CADM1: variants seen among roughly 807,000 people sequenced by gnomAD.
CADM1 encodes cell adhesion molecule 1.
CADM1 carries 15 observed loss-of-function variants against 53.1 expected under a neutral mutation model. The ratio of observed to expected loss-of-function variants is 0.28; its 90% CI spans 0.19 to 0.44. CADM1 has a LOEUF of 0.44. CADM1 is among the 20% of genes least tolerant of loss of function. The pLI is 1.00. For missense variants in CADM1, 434 were observed against 611.3 expected, an observed-to-expected ratio of 0.71 and a Z score of 3.06; for synonymous variants, 281 against 243.0, an observed-to-expected ratio of 1.16 and a Z score of -1.45.
At chr11:115,302,668 T>C (rs1247009949) in intron 1 of CADM1, among the ~76,000 whole-genome samples, 1 of 152,116 alleles carries the variant, frequency 6.6e-6, no homozygotes, top group Non-Finnish European at 1.5e-5. Flanking sequence ...ATATAGTTTT[T>C]GCTACTGGGG....
At chr11:115,320,557 C>G (rs1385890292) in intron 1 of CADM1, among the ~76,000 whole-genome samples, 1 of 152,000 alleles carries the variant, frequency 6.6e-6, no homozygotes, top group Non-Finnish European at 1.5e-5. Flanking sequence ...TTTCCCTATA[C>G]TGTATTATAA....
chr11:115,421,484 C>T (rs747359854), intron 1 of CADM1, among the ~76,000 whole-genome samples: 2 of 152,234 alleles, frequency 1.3e-5, no homozygotes, highest in Admixed American at 6.5e-5. Context: ...TGCTTCACTA[C>T]ACTATTTCTG....
At chr11:115,350,747 T>C (rs1945711917) in intron 1 of CADM1, among the ~76,000 whole-genome samples, 1 of 152,118 alleles carries the variant, frequency 6.6e-6, no homozygotes, top group Non-Finnish European at 1.5e-5. Flanking sequence ...TTCTTTGTTT[T>C]GAATTCATTG....
rs1395335862 is a variant in CADM1 at position 115,357,197 on chromosome 11, C to T, written c.125-116777G>A. Among the ~76,000 whole-genome samples the T allele has an allele frequency of 5.3e-5, 8 of 152,294 alleles. No individual in the cohort carries two copies. In the East Asian group the frequency reaches 9.6e-4, roughly 18 times the overall value. ...TGTGCTGGCAGAAGCCCAGGCTCCC[C>T]CAAAGGCATTCGCTCCTGCTGTACC... On this transcript the variant is annotated intron_variant, in intron 1 of 11. Coordinates refer to ENST00000331581, the MANE Select transcript of CADM1 (RefSeq NM_001301043.2).
At chr11:115,470,700 T>A (rs1251099175) in intron 1 of CADM1, among the ~76,000 whole-genome samples, 1 of 152,202 alleles carries the variant, frequency 6.6e-6, no homozygotes, top group Non-Finnish European at 1.5e-5. Context: ...TGGAATGATT[T>A]TTTTCTTTAA....
intron 1 of CADM1, among the ~76,000 whole-genome samples, chr11:115,495,790 ATTTAT>A (rs1037963970): frequency 2.6e-5 from 4 of 151,886 alleles, no homozygotes; most frequent in East Asian, 1.9e-4. Flanking sequence ...ATTTTTTAGG[ATTTAT>A]TTTATTTTAT....
intron 1 of CADM1, among the ~76,000 whole-genome samples, chr11:115,288,068 C>T (rs1271688206): frequency 6.6e-6 from 1 of 152,110 alleles, no homozygotes; most frequent in Non-Finnish European, 1.5e-5. Flanking sequence ...TGAAGAAATT[C>T]CATCAGAATC....
intron 1 of CADM1, among the ~76,000 whole-genome samples, chr11:115,361,874 C>T (rs1278181962): frequency 6.7e-6 from 1 of 148,972 alleles, no homozygotes; most frequent in African/African-American, 2.5e-5. Context: ...CATGGGTGTG[C>T]ACCACCACAC....
At chr11:115,247,985 A>T (rs1942461200) in intron 1 of CADM1, among the ~76,000 whole-genome samples, 1 of 152,212 alleles carries the variant, frequency 6.6e-6, no homozygotes, top group South Asian at 2.1e-4. Context: ...GTCCCCATGA[A>T]ATTCTTTAAC....
At chr11:115,410,471 A>G (rs1591790731) in intron 1 of CADM1, among the ~76,000 whole-genome samples, 1 of 152,294 alleles carries the variant, frequency 6.6e-6, no homozygotes, top group Non-Finnish European at 1.5e-5. Flanking sequence ...AAAAATAAAC[A>G]AAGTCTAGAG....
chr11:115,468,590 G>A (rs1591276543), intron 1 of CADM1, among the ~76,000 whole-genome samples: 1 of 152,146 alleles, frequency 6.6e-6, no homozygotes, highest in Admixed American at 6.6e-5. Context: ...AAAGGCAAAA[G>A]GGTCTATGGA....
chr11:115,252,302 G>A (rs1451110254), intron 1 of CADM1, among the ~76,000 whole-genome samples: 2 of 152,178 alleles, frequency 1.3e-5, no homozygotes, highest in Non-Finnish European at 2.9e-5. Context: ...ATGCTAAATA[G>A]AGAACTATGA....
intron 1 of CADM1, among the ~76,000 whole-genome samples, chr11:115,329,755 G>A (rs1043877380): frequency 3.9e-5 from 6 of 152,038 alleles, no homozygotes; most frequent in Non-Finnish European, 7.4e-5. Context: ...ACTGAAGGAT[G>A]GTAAATGCGG....
At chr11:115,460,673 T>C (rs1948775429) in intron 1 of CADM1, among the ~76,000 whole-genome samples, 1 of 152,178 alleles carries the variant, frequency 6.6e-6, no homozygotes, top group South Asian at 2.1e-4. Flanking sequence ...CTTTCTCTAA[T>C]GTACCTCTTA....
Position 115,357,497 on chromosome 11 carries a change from G to A in CADM1, c.125-117077C>T, listed in dbSNP as rs182566860. Among the ~76,000 whole-genome samples the A allele has an allele frequency of 3.9e-5, 6 of 152,226 alleles. No individual in the cohort carries two copies. The East Asian group carries it at 7.7e-4, about 20-fold the overall frequency. On this transcript the variant is annotated intron_variant, in intron 1 of 11. Transcript: ENST00000331581. ...TAAGGAGATGCCAAAGGGTCCAAGC[G>A]CAGAGGTTACCACCACAGACTTTCA...
intron 1 of CADM1, among the ~76,000 whole-genome samples, chr11:115,422,094 C>T (rs1947771787): frequency 6.6e-6 from 1 of 152,130 alleles, no homozygotes; most frequent in Non-Finnish European, 1.5e-5. Flanking sequence ...AGTAAAATTA[C>T]GCAGCTGAAC....
At chr11:115,338,347 A>G (rs1255177342) in intron 1 of CADM1, among the ~76,000 whole-genome samples, 1 of 152,170 alleles carries the variant, frequency 6.6e-6, no homozygotes, top group Non-Finnish European at 1.5e-5. Flanking sequence ...CTAGTAAGTA[A>G]TAGAGCCAGG....
intron 10 of CADM1, among the ~76,000 whole-genome samples, chr11:115,186,664 A>C (rs1939569182): frequency 6.6e-6 from 1 of 152,108 alleles, no homozygotes; most frequent in Admixed American, 6.5e-5. Flanking sequence ...CCCTTCCTTA[A>C]CAATCTCAGG....
intron 1 of CADM1, among the ~76,000 whole-genome samples, chr11:115,346,311 T>C (rs1049577954): frequency 6.6e-6 from 1 of 152,150 alleles, no homozygotes; most frequent in African/African-American, 2.4e-5. Flanking sequence ...CAAAACAGAA[T>C]TGGATTAACC....
Sources: allele counts gnomAD v4.1 joint callset (sites outside exome capture counted in the v4.1 genomes callset), GRCh38; gene constraint gnomAD v4.1.1; transcripts MANE v1.5; gene names NCBI Gene and HGNC (gene_info 2026-07-23, HGNC 2026-07-21).